RERG: variants seen among roughly 807,000 people sequenced by gnomAD.
RERG encodes ras-related and estrogen-regulated growth inhibitor.
A neutral mutation model predicts 23.2 loss-of-function variants in RERG; 25 were observed. That is an observed-to-expected ratio of 1.08 (90% CI 0.79 to 1.50). The LOEUF is 1.50. Among genes scored for constraint, RERG ranks in the 40% most tolerant of loss-of-function variants. The probability of loss-of-function intolerance (pLI) is 0.00; values close to 1 mark genes in which losing one functional copy is unlikely to be tolerated. For missense variants in RERG, 253 were observed against 250.1 expected (o/e 1.01, Z -0.08); for synonymous variants, 81 against 89.1 (o/e 0.91, Z 0.51).
chr12:15,109,252 T>C lies in RERG; in HGVS notation c.458A>G (p.Glu153Gly), dbSNP rs755372989. 2 of 1,614,134 alleles carry C rather than the reference T, an allele frequency of 1.2e-6. No individual in the cohort carries two copies. The highest frequency in any genetic ancestry group is 1.7e-6 in the Non-Finnish European group (2 of 1,180,002). Reference protein sequence around the residue: ...AFYECSACTGEGNITEIFYEL... With the variant: ...AFYECSACTGGGNITEIFYEL... ...ATAGAATATCTCTGTGATGTTCCCTTCTCCAGTGCAGGCAGAGCACTCGTA... is the reference window on the plus strand; with the variant it reads ...ATAGAATATCTCTGTGATGTTCCCTCCTCCAGTGCAGGCAGAGCACTCGTA... The change falls in exon 5 of 5, where the codon GAA (glutamate) becomes GGA (glycine). Residue 153 changes from glutamate (E) to glycine (G), a missense_variant. Coordinates refer to ENST00000256953, the MANE Select transcript of RERG (RefSeq NM_032918.3).
At chr12:15,124,702 A>G (rs1233100962) in intron 2 of RERG, among the ~76,000 whole-genome samples, 2 of 152,108 alleles carry the variant, frequency 1.3e-5, no homozygotes. Flanking sequence ...GCATACAACA[A>G]TAAGTATTTA....
At chr12:15,191,148 C>T (rs1328255808) in intron 2 of RERG, among the ~76,000 whole-genome samples, 1 of 152,088 alleles carries the variant, frequency 6.6e-6, no homozygotes, top group African/African-American at 2.4e-5. Context: ...ATTAGGGGTG[C>T]CTGTCACACC....
rs886746337 is a variant in RERG, at chr12:15,210,705, G to A, written c.61+6724C>T. Among the ~76,000 whole-genome samples the A allele has an allele frequency of 3.3e-5, 5 of 152,012 alleles. No individual in the cohort carries two copies. In the East Asian group the frequency reaches 5.8e-4, roughly 18 times the overall value. On this transcript the variant is annotated intron_variant, in intron 2 of 4. Coordinates refer to ENST00000256953, the MANE Select transcript of RERG (RefSeq NM_032918.3). ...AGAGGTCTGCCTTTTATACATATACGTAGGCATATACCTGCAATTTGAAAA... is the reference window on the plus strand; with the variant it reads ...AGAGGTCTGCCTTTTATACATATACATAGGCATATACCTGCAATTTGAAAA...
intron 1 of RERG, among the ~76,000 whole-genome samples, chr12:15,219,518 A>T (rs1417821438): frequency 6.6e-6 from 1 of 152,236 alleles, no homozygotes; most frequent in African/African-American, 2.4e-5. Context: ...CAATTTGTCC[A>T]GTCCCATATT....
intron 3 of RERG, among the ~76,000 whole-genome samples, chr12:15,119,594 A>T (rs1044332557): frequency 1.3e-5 from 2 of 152,140 alleles, no homozygotes; most frequent in Non-Finnish European, 2.9e-5. Flanking sequence ...TAATTTTTTT[A>T]AAAAATCGGG....
At chr12:15,204,616 A>C (rs1865260303) in intron 2 of RERG, among the ~76,000 whole-genome samples, 1 of 151,772 alleles carries the variant, frequency 6.6e-6, no homozygotes, top group Non-Finnish European at 1.5e-5. Context: ...TCTTACCATA[A>C]AAATCCCACT....
At chr12:15,210,790 T>C (rs1865356587) in intron 2 of RERG, among the ~76,000 whole-genome samples, 1 of 152,162 alleles carries the variant, frequency 6.6e-6, no homozygotes, top group African/African-American at 2.4e-5. Context: ...TCTAGGCTGT[T>C]TGCCTCCTTT....
chr12:15,199,383 T>A (rs1447931993), intron 2 of RERG, among the ~76,000 whole-genome samples: 3 of 152,134 alleles, frequency 2.0e-5, no homozygotes, highest in Non-Finnish European at 4.4e-5. Context: ...TTATTTTTTG[T>A]TTTTTGTTTT....
At chr12:15,142,919 T>A (rs1418038193) in intron 2 of RERG, among the ~76,000 whole-genome samples, 1 of 152,224 alleles carries the variant, frequency 6.6e-6, no homozygotes, top group African/African-American at 2.4e-5. Flanking sequence ...CTTCTAGCTG[T>A]TCCAAACCCA....
At chr12:15,137,121 A>G (rs949029562) in intron 2 of RERG, among the ~76,000 whole-genome samples, 3 of 151,812 alleles carry the variant, frequency 2.0e-5, no homozygotes, top group Non-Finnish European at 4.4e-5. Flanking sequence ...AATATTACTA[A>G]GACTTCTTGG....
intron 1 of RERG, among the ~76,000 whole-genome samples, chr12:15,220,015 A>G (rs1046209909): frequency 2.0e-5 from 3 of 152,240 alleles, no homozygotes; most frequent in African/African-American, 7.2e-5. Flanking sequence ...GGAAGACACA[A>G]AACTGACAGG....
chr12:15,191,140 T>C (rs1865065490), intron 2 of RERG, among the ~76,000 whole-genome samples: 1 of 152,142 alleles, frequency 6.6e-6, no homozygotes, highest in Non-Finnish European at 1.5e-5. Context: ...CAGGACTCAT[T>C]AGGGGTGCCT....
At chr12:15,140,039 G>C (rs1248345443) in intron 2 of RERG, among the ~76,000 whole-genome samples, 1 of 152,092 alleles carries the variant, frequency 6.6e-6, no homozygotes, top group Non-Finnish European at 1.5e-5. Context: ...TAAATGTTTG[G>C]TAGAATTCTC....
At chr12:15,123,243 A>C (rs6488755) in intron 2 of RERG, among the ~76,000 whole-genome samples, 104,737 of 151,914 alleles carry the variant, frequency 0.69, 36,289 homozygotes, top group Admixed American at 0.75. Flanking sequence ...TTCTCAAAAT[A>C]TTTAAAAAAT....
At chr12:15,143,606 A>G (rs1334300612) in intron 2 of RERG, among the ~76,000 whole-genome samples, 5 of 152,206 alleles carry the variant, frequency 3.3e-5, no homozygotes, top group African/African-American at 9.6e-5. Flanking sequence ...TTGATTGAGC[A>G]GCTACAATGT....
intron 2 of RERG, among the ~76,000 whole-genome samples, chr12:15,182,759 A>C (rs145338681): frequency 0.01 from 1,563 of 152,248 alleles, 27 homozygotes; most frequent in African/African-American, 0.036. Context: ...ATCTCAAAAT[A>C]CTTAACAGAC....
chr12:15,186,292 A>G (rs1013932595), intron 2 of RERG, among the ~76,000 whole-genome samples: 3 of 151,768 alleles, frequency 2.0e-5, no homozygotes, highest in Non-Finnish European at 4.4e-5. Context: ...GAAATTATTT[A>G]TTTTTTTCCT....
At chr12:15,181,389 C>T (rs1204968450) in intron 2 of RERG, among the ~76,000 whole-genome samples, 1 of 152,184 alleles carries the variant, frequency 6.6e-6, no homozygotes, top group Non-Finnish European at 1.5e-5. Context: ...TTCACAAATA[C>T]CCCATTCATC....
intron 2 of RERG, among the ~76,000 whole-genome samples, chr12:15,146,554 T>A (rs373245302): frequency 8.5e-5 from 13 of 152,306 alleles, no homozygotes; most frequent in African/African-American, 3.1e-4. Flanking sequence ...ATGGCTTGAG[T>A]AGCTAACCTA....
Sources: allele counts gnomAD v4.1 joint callset (sites outside exome capture counted in the v4.1 genomes callset), GRCh38; gene constraint gnomAD v4.1.1; transcripts MANE v1.5; gene names NCBI Gene and HGNC (gene_info 2026-07-23, HGNC 2026-07-21).